Variants in RBFOX1 observed in about 807,000 individuals in gnomAD.
RBFOX1 encodes the protein RNA binding fox-1 homolog 1, also known as RNA binding protein fox-1 homolog 1.
Under a neutral mutation model 57.7 loss-of-function variants are expected in RBFOX1, and 8 were observed. That is an observed-to-expected ratio of 0.14 (90% CI 0.08 to 0.25). The LOEUF (loss-of-function observed/expected upper bound fraction) is 0.25, where lower values mean the gene tolerates loss of function less well. Ranked by LOEUF, RBFOX1 falls within the 10% of genes least tolerant of loss-of-function variation. The pLI, the probability that RBFOX1 is intolerant of heterozygous loss-of-function variation, is 1.00. For missense variants in RBFOX1, 611 were observed against 548.5 expected (o/e 1.11, Z -1.14); for synonymous variants, 326 against 222.4 (o/e 1.47, Z -4.15).
intron 2 of RBFOX1, among the ~76,000 whole-genome samples, chr16:6,580,721 G>A (rs1324825195): frequency 6.6e-6 from 1 of 152,046 alleles, no homozygotes; most frequent in African/African-American, 2.4e-5. Context: ...CTAGAGATGA[G>A]ACCAGCTGAG....
At position 5,285,981 on chromosome 16, in the gene RBFOX1, G is replaced by T. The variant is rs558924541; in HGVS notation, c.219+45876G>T. On this transcript the variant is annotated intron_variant, in intron 1 of 2. Coordinates refer to the RBFOX1 transcript ENST00000585867. ...GAGACAGGGTTTCACCATGTTGGCC[G>T]GGCTGGTCTCGAACTCCTCACCTCG... Among the ~76,000 whole-genome samples, 36 of 152,072 alleles carry T rather than the reference G, an allele frequency of 2.4e-4. No homozygotes were observed. In the East Asian group the frequency reaches 3.5e-3, roughly 15 times the overall value.
At chr16:6,789,318 C>A (rs1454320087) in intron 3 of RBFOX1, among the ~76,000 whole-genome samples, 2 of 152,112 alleles carry the variant, frequency 1.3e-5, no homozygotes, top group African/African-American at 4.8e-5. Context: ...GGTATAAGAC[C>A]TTGTCTTCAA....
At chr16:6,914,331 G>C (rs752790875) in intron 3 of RBFOX1, among the ~76,000 whole-genome samples, 1 of 152,080 alleles carries the variant, frequency 6.6e-6, no homozygotes, top group Admixed American at 6.5e-5. Context: ...ATCTAGTCCG[G>C]GGTGTCTGGG....
intron 3 of RBFOX1, among the ~76,000 whole-genome samples, chr16:5,615,692 A>C (rs949004789): frequency 2.6e-5 from 4 of 152,196 alleles, no homozygotes; most frequent in African/African-American, 9.7e-5. Flanking sequence ...CTATGTGTCA[A>C]GAAGGGGGCA....
At chr16:7,301,745 GA>G (rs879890112) in intron 4 of RBFOX1, among the ~76,000 whole-genome samples, 11 of 150,798 alleles carry the variant, frequency 7.3e-5, no homozygotes, top group Non-Finnish European at 1.6e-4. Context: ...GCCAGCAAGA[GA>G]AAAAAAAATA....
chr16:6,504,937 G>A (rs1263285239), intron 2 of RBFOX1, among the ~76,000 whole-genome samples: 1 of 152,004 alleles, frequency 6.6e-6, no homozygotes. Flanking sequence ...AACTGGGCTA[G>A]TGGCAGGTGC....
At chr16:7,385,179 T>A (rs2097855217) in intron 4 of RBFOX1, among the ~76,000 whole-genome samples, 1 of 152,152 alleles carries the variant, frequency 6.6e-6, no homozygotes, top group Admixed American at 6.6e-5. Context: ...GAATATAAGT[T>A]TTATATGAAT....
At chr16:5,876,420 C>T (rs974192825) in intron 4 of RBFOX1, among the ~76,000 whole-genome samples, 9 of 152,128 alleles carry the variant, frequency 5.9e-5, no homozygotes, top group Non-Finnish European at 1.2e-4. Context: ...GACTCACACC[C>T]GAGGCTATCA....
At chr16:5,611,797 C>G (rs1046272117) in intron 3 of RBFOX1, among the ~76,000 whole-genome samples, 1 of 99,890 alleles carries the variant, frequency 1.0e-5, no homozygotes, top group African/African-American at 4.1e-5. Flanking sequence ...CATCCATCCA[C>G]CCACCCACCC....
At chr16:6,886,360 C>T (rs1264113612) in intron 3 of RBFOX1, among the ~76,000 whole-genome samples, 1 of 152,054 alleles carries the variant, frequency 6.6e-6, no homozygotes, top group Non-Finnish European at 1.5e-5. Context: ...CTGCGCCCGG[C>T]CCAGTGAAGC....
intron 3 of RBFOX1, chr16:6,774,021 C>T (rs2078910984): frequency 2.0e-6 from 2 of 985,060 alleles, no homozygotes; most frequent in South Asian, 9.4e-5. Context: ...CAGGTAATCA[C>T]AGTTTGCTTT....
intron 3 of RBFOX1, among the ~76,000 whole-genome samples, chr16:6,671,081 C>A (rs992711763): frequency 6.6e-6 from 1 of 152,180 alleles, no homozygotes; most frequent in Non-Finnish European, 1.5e-5. Context: ...AGTACTCATA[C>A]GTATGAACAA....
intron 3 of RBFOX1, among the ~76,000 whole-genome samples, chr16:5,785,664 A>G (rs905338299): frequency 2.6e-5 from 4 of 151,950 alleles, no homozygotes; most frequent in Admixed American, 1.3e-4. Flanking sequence ...AGTAGCTGGG[A>G]TTACAGGCAT....
chr16:6,993,446 G>A (rs1418177233), intron 3 of RBFOX1, among the ~76,000 whole-genome samples: 2 of 152,248 alleles, frequency 1.3e-5, no homozygotes, highest in Admixed American at 6.5e-5. Flanking sequence ...CTGGCTGAGG[G>A]ATCCATCAGA....
intron 1 of RBFOX1, among the ~76,000 whole-genome samples, chr16:6,261,962 A>G (rs2097704121): frequency 2.0e-5 from 3 of 152,116 alleles, no homozygotes; most frequent in Admixed American, 2.0e-4. Flanking sequence ...CCCAGAGACA[A>G]AGGATGCAGT....
intron 4 of RBFOX1, among the ~76,000 whole-genome samples, chr16:7,188,100 G>T (rs2084378047): frequency 6.6e-6 from 1 of 152,032 alleles, no homozygotes; most frequent in South Asian, 2.1e-4. Flanking sequence ...TGGAATATTT[G>T]GTAATTGTGT....
At chr16:7,387,729 G>A (rs962348092) in intron 4 of RBFOX1, among the ~76,000 whole-genome samples, 1 of 152,180 alleles carries the variant, frequency 6.6e-6, no homozygotes, top group Admixed American at 6.5e-5. Context: ...TACACATCCT[G>A]CGTCAACTCC....
intron 1 of RBFOX1, among the ~76,000 whole-genome samples, chr16:5,251,061 C>T (rs1270191420): frequency 1.3e-5 from 2 of 152,168 alleles, no homozygotes; most frequent in South Asian, 2.1e-4. Context: ...CTAATCTGCA[C>T]CTCGGTGTCC....
intron 2 of RBFOX1, among the ~76,000 whole-genome samples, chr16:6,491,044 A>G (rs1041717653): frequency 6.6e-6 from 1 of 152,144 alleles, no homozygotes; most frequent in African/African-American, 2.4e-5. Flanking sequence ...AAGACTACCC[A>G]GTAAAGTTCT....
Sources: allele counts gnomAD v4.1 joint callset (sites outside exome capture counted in the v4.1 genomes callset), GRCh38; gene constraint gnomAD v4.1.1; transcripts MANE v1.5; gene names NCBI Gene and HGNC (gene_info 2026-07-23, HGNC 2026-07-21).